TBK1: variants seen among roughly 807,000 people sequenced by gnomAD.
TBK1 encodes the protein TANK binding kinase 1.
TBK1 carries 37 observed loss-of-function variants against 99.9 expected under a neutral mutation model. The observed-to-expected ratio is 0.37, with a 90% CI of 0.28 to 0.49. The LOEUF (loss-of-function observed/expected upper bound fraction) is 0.49. TBK1 is among the 20% of genes least tolerant of loss of function. TBK1 has a pLI of 0.98. For missense variants in TBK1, 644 were observed against 872.5 expected (o/e 0.74, Z 3.30); for synonymous variants, 258 against 279.8 (o/e 0.92, Z 0.78).
chr12:64,471,185 A>G (rs1297216850), intron 5 of TBK1, among the ~76,000 whole-genome samples: 2 of 151,924 alleles, frequency 1.3e-5, no homozygotes, highest in Non-Finnish European at 2.9e-5. Context: ...TGTTGTTGTT[A>G]TTGTGACAGA....
chr12:64,470,703 C>A (rs2040653952), intron 5 of TBK1, among the ~76,000 whole-genome samples: 1 of 152,218 alleles, frequency 6.6e-6, no homozygotes, highest in South Asian at 2.1e-4. Context: ...AGAACTGTCA[C>A]ATACACTGCA....
chr12:64,483,533 C>A (rs2040788206), intron 8 of TBK1, among the ~76,000 whole-genome samples: 1 of 152,124 alleles, frequency 6.6e-6, no homozygotes, highest in Non-Finnish European at 1.5e-5. Context: ...ATCCTCACAA[C>A]AATTCTGTGA....
At chr12:64,499,693 CTTTTTTTTTTTT>C (rs56725684) in intron 20 of TBK1, among the ~76,000 whole-genome samples, 1 of 82,942 alleles carries the variant, frequency 1.2e-5, no homozygotes, top group Non-Finnish European at 2.2e-5. Context: ...TAAAGATGTG[CTTTTTTTTTTTT>C]TTTTTTTTTT....
rs1316831451 is a variant in TBK1, at chr12:64,488,595, A to G, written c.1442+7A>G. 3 of 1,552,924 alleles carry G rather than the reference A, an allele frequency of 1.9e-6. No individual in the cohort carries two copies. The African/African-American group carries it at 4.1e-5, about 21-fold the overall frequency. ...TTGAAAAAACTGTGAAAGTGTGAGT[A>G]GACTACTTCCTTACTAGTAGGGGTT... On this transcript the variant is annotated splice_region_variant and intron_variant, in intron 12 of 20. Coordinates refer to ENST00000331710, the MANE Select transcript of TBK1 (RefSeq NM_013254.4).
intron 18 of TBK1, 31 bp from the exon 19 acceptor site, chr12:64,497,617 T>C (rs1327020048): frequency 7.3e-7 from 1 of 1,362,870 alleles, no homozygotes; most frequent in South Asian, 1.3e-5. Context: ...TGTGGGGTTT[T>C]TTTCTTTTTT....
At chr12:64,497,391 CA>C in intron 18 of TBK1, 132 bp downstream of exon 18, 1 of 673,902 alleles carries the variant, frequency 1.5e-6, no homozygotes, top group East Asian at 2.9e-5. Context: ...TATTTTGAGC[CA>C]AGTTTTAAGA....
intron 5 of TBK1, among the ~76,000 whole-genome samples, chr12:64,473,377 G>T (rs1303178752): frequency 6.6e-6 from 1 of 152,212 alleles, no homozygotes; most frequent in African/African-American, 2.4e-5. Context: ...GGGAAGCAGA[G>T]AATTGGGTAA....
In TBK1 at chr12:64,466,907, G is replaced by T; in HGVS notation, c.365G>T (p.Gly122Val). Residue 122 changes from glycine (G) to valine (V), a missense_variant, in exon 5 of 21, where the codon GGA (glycine) becomes GTA (valine). Transcript: ENST00000331710. The stretch of plus-strand genomic sequence containing the variant: ...TTGTTTTATATTGTTGAAGTGGGTG[G>T]AATGAATCATCTACGAGAGAATGGT... Reference protein sequence around the residue: ...FLIVLRDVVGGMNHLRENGIV... With the variant: ...FLIVLRDVVGVMNHLRENGIV... The T allele has an allele frequency of 6.4e-7, 1 of 1,570,322 alleles. No homozygotes were observed. The highest frequency in any genetic ancestry group is 8.6e-7 in the Non-Finnish European group (1 of 1,158,160).
intron 6 of TBK1, among the ~76,000 whole-genome samples, chr12:64,477,922 T>G (rs1157702293): frequency 6.6e-6 from 1 of 152,214 alleles, no homozygotes; most frequent in Admixed American, 6.5e-5. Flanking sequence ...AGATGTGAAA[T>G]TAATTATAAA....
Position 64,484,649 on chromosome 12 carries a change from G to A in TBK1, c.1189+150G>A, listed in dbSNP as rs11175410. On this transcript the variant is annotated intron_variant, in intron 9 of 20. Transcript: ENST00000331710. ...CACCTGTAGTCCCAGCTGCATGGGA[G>A]GCTGAGGTAGGAGGATCACTTGAGC... The A allele has an allele frequency of 0.017, 11,651 of 694,110 alleles. 841 individuals carry two copies. The East Asian group carries it at 0.18, about 11-fold the overall frequency. 43.0% of individuals were successfully genotyped at this position (694,110 alleles called of 1,614,324 possible).
At chr12:64,474,031 G>C (rs1022960482) in intron 5 of TBK1, among the ~76,000 whole-genome samples, 199 bp from the exon 6 acceptor site, 27 of 152,140 alleles carry the variant, frequency 1.8e-4, no homozygotes, top group African/African-American at 6.5e-4. Context: ...TATGAAGCAG[G>C]GTCATCAAAA....
intron 8 of TBK1, among the ~76,000 whole-genome samples, chr12:64,482,753 G>A (rs998331214): frequency 6.6e-6 from 1 of 152,216 alleles, no homozygotes; most frequent in African/African-American, 2.4e-5. Context: ...CCTAGGAGCA[G>A]TAGGCTAGCT....
intron 6 of TBK1, among the ~76,000 whole-genome samples, chr12:64,479,349 T>A (rs1262932216): frequency 6.6e-6 from 1 of 152,226 alleles, no homozygotes; most frequent in Non-Finnish European, 1.5e-5. Context: ...CACGTTAATT[T>A]CCTCTTTGAA....
rs143320393 is a variant in TBK1 at position 64,498,315 on chromosome 12, C to T, written c.2138+276C>T. Among the ~76,000 whole-genome samples, 891 of 152,332 alleles carry T rather than the reference C, an allele frequency of 5.8e-3. 5 individuals carry two copies. The highest frequency in any genetic ancestry group is 8.5e-3 in the Non-Finnish European group (581 of 68,026). On this transcript the variant is annotated intron_variant, in intron 20 of 20. Coordinates refer to ENST00000331710, the MANE Select transcript of TBK1 (RefSeq NM_013254.4). ...TTTTTATAACTTAATTCATTGGAAT[C>T]ATAATTTTCAATTTGGTGAATCAGA...
chr12:64,466,673 T>C (rs1405513908), intron 4 of TBK1, among the ~76,000 whole-genome samples: 2 of 152,016 alleles, frequency 1.3e-5, no homozygotes, highest in Non-Finnish European at 2.9e-5. Flanking sequence ...AGACACTGGA[T>C]TTTTCCTTAG....
intron 5 of TBK1, among the ~76,000 whole-genome samples, chr12:64,467,541 G>T (rs2040619400): frequency 6.6e-6 from 1 of 152,140 alleles, no homozygotes; most frequent in African/African-American, 2.4e-5. Context: ...AGCTAGAAAA[G>T]CTCTGTAGTT....
At chr12:64,500,751 ATC>A (rs2040979870) in intron 20 of TBK1, among the ~76,000 whole-genome samples, 3 of 121,948 alleles carry the variant, frequency 2.5e-5, no homozygotes, top group Non-Finnish European at 5.3e-5. Context: ...CCAACTCGGT[ATC>A]TTTTTTTTTT....
chr12:64,467,935 C>T (rs1370997615), intron 5 of TBK1, among the ~76,000 whole-genome samples: 1 of 152,124 alleles, frequency 6.6e-6, no homozygotes, highest in Non-Finnish European at 1.5e-5. Context: ...TGGCTCATGC[C>T]TATAATTCCA....
intron 10 of TBK1, 132 bp downstream of exon 10, chr12:64,485,645 C>G: frequency 2.0e-6 from 1 of 489,918 alleles, no homozygotes; most frequent in Non-Finnish European, 3.5e-6. Flanking sequence ...AAATTGATAC[C>G]CTTTCCAAGT....
Sources: gnomAD v4.1 joint callset for allele counts (sites outside exome capture counted in the v4.1 genomes callset) on GRCh38, gnomAD v4.1.1 for gene constraint, MANE v1.5 for transcripts, NCBI Gene and HGNC (gene_info 2026-07-23, HGNC 2026-07-21) for gene names.